The following CSPP1 variants were observed in gnomAD, a reference collection of about 807,000 sequenced individuals.
The protein encoded by CSPP1 is centrosome and spindle pole-associated protein 1.
In CSPP1, 126 loss-of-function variants were observed where a neutral mutation model predicts 164.4. The observed-to-expected ratio is 0.77, with a 90% CI of 0.66 to 0.89. CSPP1 has a LOEUF of 0.89. Ranked by LOEUF, CSPP1 falls within the 40% of genes least tolerant of loss-of-function variation. The pLI, the probability that CSPP1 is intolerant of heterozygous loss-of-function variation, is 0.00. For synonymous variants in CSPP1, 472 were observed against 476.7 expected (o/e 0.99, Z 0.13); for missense variants, 1,395 against 1,449.8 (o/e 0.96, Z 0.61).
At chr8:67,108,789 G>T (rs1816202614) in intron 9 of CSPP1, among the ~76,000 whole-genome samples, 1 of 152,156 alleles carries the variant, frequency 6.6e-6, no homozygotes. Flanking sequence ...GGAGGGTTTT[G>T]CATCAGATTT....
intron 4 of CSPP1, chr8:67,086,820 T>C: frequency 7.4e-7 from 1 of 1,358,474 alleles, no homozygotes; most frequent in Non-Finnish European, 9.9e-7. Context: ...CCCTTGACTT[T>C]AGGGCATTAC....
intron 2 of CSPP1, among the ~76,000 whole-genome samples, chr8:67,075,270 G>A (rs1380154566): frequency 1.3e-5 from 2 of 152,176 alleles, no homozygotes; most frequent in Non-Finnish European, 2.9e-5. Flanking sequence ...ATAAGATACA[G>A]CATGTAGTTT....
At chr8:67,145,194 A>G (rs1377133201) in intron 17 of CSPP1, among the ~76,000 whole-genome samples, 1 of 152,058 alleles carries the variant, frequency 6.6e-6, no homozygotes, top group Non-Finnish European at 1.5e-5. Flanking sequence ...AGCTTTGGTT[A>G]TTTGAATCAT....
intron 21 of CSPP1, 126 bp downstream of exon 21, chr8:67,159,263 T>G: frequency 1.1e-6 from 1 of 889,088 alleles, no homozygotes; most frequent in South Asian, 1.8e-5. Context: ...TGTCTTACTG[T>G]TTAGTCTGGG....
chr8:67,101,285 C>T (rs977548074), intron 7 of CSPP1, among the ~76,000 whole-genome samples: 2 of 152,144 alleles, frequency 1.3e-5, no homozygotes, highest in Admixed American at 1.3e-4. Flanking sequence ...TTTGTGTAAA[C>T]AGTTTAAGCA....
chr8:67,078,883 G>A (rs1808523927), intron 3 of CSPP1, among the ~76,000 whole-genome samples: 1 of 152,044 alleles, frequency 6.6e-6, no homozygotes, highest in Admixed American at 6.5e-5. Context: ...TGAGGTGGGA[G>A]GATCACTTGA....
In CSPP1 at chr8:67,116,157, G is replaced by A. The variant is rs370416817; in HGVS notation, c.1496+35G>A. 45 of 1,426,548 alleles carry A rather than the reference G, an allele frequency of 3.2e-5. No homozygotes were observed. The African/African-American group carries it at 5.2e-4, about 17-fold the overall frequency. The allele number at this position is 1,426,548 out of a possible 1,614,324, so 88.4% of individuals were successfully genotyped here. A position where few individuals can be genotyped will look rare whatever the true frequency, so the allele number is the denominator to read the frequency against. On this transcript the variant is annotated intron_variant, in intron 13 of 30. Transcript: ENST00000678616. Reference sequence around the variant, plus strand: ...TAAATGTTTTGTGTTTGGGAATTAGGTAAGGTATTGCTATATTTTATGTTT... The same window carrying A: ...TAAATGTTTTGTGTTTGGGAATTAGATAAGGTATTGCTATATTTTATGTTT...
In CSPP1 at chr8:67,095,711, C is replaced by T. The variant is rs761172555; in HGVS notation, c.902C>T (p.Ser301Leu). The change falls in exon 7 of 31, where the codon TCG (serine) becomes TTG (leucine). Residue 301 changes from serine (S) to leucine (L), a missense_variant. Coordinates refer to ENST00000678616, the MANE Select transcript of CSPP1 (RefSeq NM_001382391.1). ...GAAAGTGATTTTGATAGAAGACTTT[C>T]GAGAGTGTATACAAATGACAGGTAT... ...RYESDFDRRL[S>L]RVYTNDRMHR... 53 of 1,593,446 alleles carry T rather than the reference C, an allele frequency of 3.3e-5. No individual in the cohort carries two copies. Among genetic ancestry groups the T allele is most frequent in the African/African-American group, 6.7e-5 (5 of 74,142 alleles).
intron 1 of CSPP1, among the ~76,000 whole-genome samples, chr8:67,071,955 A>G (rs1249357276): frequency 1.3e-5 from 2 of 152,334 alleles, no homozygotes; most frequent in East Asian, 1.9e-4. Flanking sequence ...AAAAGGAAAC[A>G]TAAAAGAAAA....
intron 16 of CSPP1, chr8:67,134,546 A>G (rs1821851944): frequency 7.0e-6 from 1 of 143,520 alleles, no homozygotes; most frequent in African/African-American, 2.7e-5. Flanking sequence ...TAGATTTAGC[A>G]TCATCTTTTT....
At chr8:67,176,893 A>G (rs1831790658) in intron 26 of CSPP1, among the ~76,000 whole-genome samples, 1 of 152,030 alleles carries the variant, frequency 6.6e-6, no homozygotes. Context: ...AACATAGTGA[A>G]ACCCCCGTCT....
chr8:67,150,418 T>C (rs893354315), intron 18 of CSPP1, among the ~76,000 whole-genome samples: 1 of 152,156 alleles, frequency 6.6e-6, no homozygotes, highest in Non-Finnish European at 1.5e-5. Flanking sequence ...GTTTTTTTTT[T>C]TGTGAGATGG....
intron 15 of CSPP1, among the ~76,000 whole-genome samples, chr8:67,124,845 A>AT (rs1819753013): frequency 6.6e-6 from 1 of 151,638 alleles, no homozygotes; most frequent in Non-Finnish European, 1.5e-5. Context: ...CTAATTTTTT[A>AT]TTTTTTTAAT....
intron 17 of CSPP1, among the ~76,000 whole-genome samples, chr8:67,141,679 G>GC (rs564501559): frequency 1.3e-5 from 2 of 152,064 alleles, no homozygotes; most frequent in African/African-American, 2.4e-5. Flanking sequence ...GTGCCACCAC[G>GC]CCCCCCTAAT....
chr8:67,167,109 C>T lies in CSPP1; in HGVS notation c.2828+2601C>T, dbSNP rs1250765564. Among the ~76,000 whole-genome samples, 3 of 152,198 alleles carry T rather than the reference C, an allele frequency of 2.0e-5. No individual in the cohort carries two copies. The East Asian group carries it at 5.8e-4, about 29-fold the overall frequency. On this transcript the variant is annotated intron_variant, in intron 24 of 30. Coordinates refer to ENST00000678616, the MANE Select transcript of CSPP1 (RefSeq NM_001382391.1). ...CTTAGTACAGAACAAAATGGAGTCTCCTATGTCTACTTCTTTCTACACAGA... is the reference window on the plus strand; with the variant it reads ...CTTAGTACAGAACAAAATGGAGTCTTCTATGTCTACTTCTTTCTACACAGA...
rs1266303005 is a variant in CSPP1 at position 67,064,392 on chromosome 8, G to T, written c.-157G>T. Reference sequence around the variant, plus strand: ...TGAGGGGCGGAGCCCCGGCCCGGAGGTCTGTCATGCTGTTCCCGCTCCAGG... The same window carrying T: ...TGAGGGGCGGAGCCCCGGCCCGGAGTTCTGTCATGCTGTTCCCGCTCCAGG... On this transcript the variant is annotated 5_prime_UTR_variant, in exon 1 of 31. Transcript: ENST00000678616. 2 of 1,612,946 alleles carry T rather than the reference G, an allele frequency of 1.2e-6. No homozygotes were observed. The highest frequency in any genetic ancestry group is 3.3e-5 in the Admixed American group (2 of 59,952).
intron 1 of CSPP1, among the ~76,000 whole-genome samples, chr8:67,067,470 T>G (rs1270917216): frequency 6.6e-6 from 1 of 152,072 alleles, no homozygotes; most frequent in Non-Finnish European, 1.5e-5. Context: ...TGTTTGTTTG[T>G]TTTGGTTTTT....
chr8:67,105,680 G>A (rs1815354455), intron 8 of CSPP1, among the ~76,000 whole-genome samples: 1 of 152,176 alleles, frequency 6.6e-6, no homozygotes, highest in African/African-American at 2.4e-5. Flanking sequence ...CACCATGCCT[G>A]GCCAAATTAT....
intron 30 of CSPP1, among the ~76,000 whole-genome samples, chr8:67,194,013 C>A (rs1172896250): frequency 2.6e-5 from 4 of 152,178 alleles, no homozygotes; most frequent in African/African-American, 9.7e-5. Context: ...TTACCTTCTT[C>A]TTTGGCTTTC....
Sources: gnomAD v4.1 joint callset for allele counts (sites outside exome capture counted in the v4.1 genomes callset) on GRCh38, gnomAD v4.1.1 for gene constraint, MANE v1.5 for transcripts, NCBI Gene and HGNC (gene_info 2026-07-23, HGNC 2026-07-21) for gene names.